Variants in PITPNM3 observed in about 807,000 individuals in gnomAD.
PITPNM3 encodes membrane-associated phosphatidylinositol transfer protein 3.
PITPNM3 carries 26 observed loss-of-function variants against 102.0 expected under a neutral mutation model. That is an observed-to-expected ratio of 0.25 (90% CI 0.19 to 0.35). The LOEUF (loss-of-function observed/expected upper bound fraction) is 0.35, where lower values mean the gene tolerates loss of function less well. Among genes scored for constraint, PITPNM3 ranks in the 10% least tolerant of loss-of-function variants. The probability of loss-of-function intolerance (pLI) is 1.00; values close to 1 mark genes in which losing one functional copy is unlikely to be tolerated. For synonymous variants in PITPNM3, 578 were observed against 558.6 expected, an observed-to-expected ratio of 1.03 and a Z score of -0.49; for missense variants, 1,083 against 1,346.1, an observed-to-expected ratio of 0.80 and a Z score of 3.06.
chr17:6,461,966 C>T (rs1237913704), intron 17 of PITPNM3, among the ~76,000 whole-genome samples: 9 of 152,056 alleles, frequency 5.9e-5, no homozygotes, highest in Admixed American at 1.3e-4. Context: ...ATCCTTAGCT[C>T]GGGCCCCATC....
Position 6,474,459 on chromosome 17 carries a change from G to T in PITPNM3, c.1231C>A (p.Arg411=), listed in dbSNP as rs752331730. 6.2e-7 allele frequency: 1 copy of T among 1,613,470 alleles called. No individual in the cohort carries two copies. The change falls in exon 10 of 20, where the codon CGG becomes AGG. Residue 411 remains arginine (R), a synonymous_variant. Transcript: ENST00000262483. ...GSPLGLVLAM[R]RTVLPGLDGF... ...TCCAGCCCAGGCAGCACCGTCCTCC[G>T]CATGGCCAGGACCAGGCCCAGTGGC...
At chr17:6,525,494 A>T in intron 2 of PITPNM3, 31 bp from the exon 3 acceptor site, 1 of 1,520,548 alleles carries the variant, frequency 6.6e-7, no homozygotes. Flanking sequence ...GAGCAGAAGC[A>T]GGTGCAGCTA....
intron 4 of PITPNM3, among the ~76,000 whole-genome samples, chr17:6,487,290 C>T (rs1906154657): frequency 6.6e-6 from 1 of 152,154 alleles, no homozygotes; most frequent in Non-Finnish European, 1.5e-5. Flanking sequence ...AGCAGCTACC[C>T]CATGGGGTGG....
At chr17:6,509,609 C>T (rs1325916509) in intron 3 of PITPNM3, among the ~76,000 whole-genome samples, 8 of 151,922 alleles carry the variant, frequency 5.3e-5, no homozygotes, top group Admixed American at 3.3e-4. Context: ...CGAAGACCTG[C>T]ATGCTCCCTC....
chr17:6,538,645 C>T (rs1909572043), intron 1 of PITPNM3, among the ~76,000 whole-genome samples: 1 of 152,226 alleles, frequency 6.6e-6, no homozygotes, highest in African/African-American at 2.4e-5. Context: ...CTGGCCCTGA[C>T]TACCAGGCAC....
chr17:6,474,373 T>C, intron 10 of PITPNM3, 59 bp downstream of exon 10: 1 of 1,572,036 alleles, frequency 6.4e-7, no homozygotes, highest in Non-Finnish European at 8.7e-7. Context: ...TCTGAGGCCC[T>C]GACACGGTGG....
In PITPNM3 at chr17:6,461,568, GC is replaced by G. The variant is rs553739885; in HGVS notation, c.2307-13del. ...AGTCCTGCCAGTGCCTGGTGAGATG[GC>G]ATTAGAAGGGTCCAGCCCTGCCCAG... On this transcript the variant is annotated splice_polypyrimidine_tract_variant and intron_variant, in intron 17 of 19. Coordinates refer to ENST00000262483, the MANE Select transcript of PITPNM3 (RefSeq NM_031220.4). The G allele has an allele frequency of 3.5e-4, 571 of 1,613,838 alleles. 3 individuals are homozygous for G. In the African/African-American group the frequency reaches 6.7e-3, roughly 19 times the overall value.
chr17:6,466,336 A>T (rs543313541), intron 14 of PITPNM3, among the ~76,000 whole-genome samples: 2 of 152,284 alleles, frequency 1.3e-5, no homozygotes, highest in African/African-American at 4.8e-5. Flanking sequence ...CAATCCAACA[A>T]ATATCTGCAG....
Position 6,472,691 on chromosome 17 carries a change from C to T in PITPNM3, c.1395G>A (p.Arg465=). 6.2e-7 allele frequency: 1 copy of T among 1,613,836 alleles called. No homozygotes were observed. The highest frequency in any genetic ancestry group is 8.5e-7 in the Non-Finnish European group (1 of 1,179,954). ...VPPVSVPRYQ[R]FPLGDGQSLL... ...GGGACTGCCCATCGCCCAGTGGGAACCTCTGGTAGCGAGGCACGCTGACAG... is the reference window on the plus strand; with the variant it reads ...GGGACTGCCCATCGCCCAGTGGGAATCTCTGGTAGCGAGGCACGCTGACAG... The change falls in exon 11 of 20, where the codon AGG becomes AGA. Residue 465 remains arginine (R), a synonymous_variant. Coordinates refer to ENST00000262483, the MANE Select transcript of PITPNM3 (RefSeq NM_031220.4). The surrounding 1 kb of genome is among the most constrained non-coding windows in gnomAD (Gnocchi z 4.1).
At chr17:6,476,886 G>T in intron 9 of PITPNM3, 143 bp downstream of exon 9, 1 of 1,015,576 alleles carries the variant, frequency 9.8e-7, no homozygotes, top group Non-Finnish European at 1.4e-6. Flanking sequence ...TCAGTACAGG[G>T]CCGATGGCGA....
At chr17:6,471,018 C>T (rs895618243) in intron 12 of PITPNM3, 143 bp downstream of exon 12, 1 of 960,900 alleles carries the variant, frequency 1.0e-6, no homozygotes, top group Non-Finnish European at 1.6e-6. Flanking sequence ...TCTCTAAAGG[C>T]AGAAGCAAGC....
At chr17:6,513,188 T>C (rs1446939786) in intron 3 of PITPNM3, among the ~76,000 whole-genome samples, 1 of 152,028 alleles carries the variant, frequency 6.6e-6, no homozygotes, top group Non-Finnish European at 1.5e-5. Flanking sequence ...AAAAGATTCA[T>C]AGTTAACATC....
intron 1 of PITPNM3, 109 bp from the exon 2 acceptor site, chr17:6,538,191 G>C: frequency 1.3e-6 from 1 of 788,954 alleles, no homozygotes; most frequent in Non-Finnish European, 2.2e-6. Context: ...CTGCACATCT[G>C]TGCCCTCTCC....
chr17:6,555,228 TC>T (rs1458725799), intron 1 of PITPNM3, among the ~76,000 whole-genome samples: 2 of 152,192 alleles, frequency 1.3e-5, no homozygotes, highest in Non-Finnish European at 2.9e-5. Context: ...CCGACAGGAC[TC>T]CTTGGGGACA....
intron 3 of PITPNM3, among the ~76,000 whole-genome samples, chr17:6,525,130 G>A (rs981244401): frequency 1.3e-5 from 2 of 152,200 alleles, no homozygotes; most frequent in Non-Finnish European, 2.9e-5. Context: ...GTGGACAAAG[G>A]AAGCTCTGTT....
At chr17:6,466,891 A>T (rs1284718129) in intron 14 of PITPNM3, among the ~76,000 whole-genome samples, 1 of 152,026 alleles carries the variant, frequency 6.6e-6, no homozygotes, top group Non-Finnish European at 1.5e-5. Flanking sequence ...CTAAAAATAC[A>T]AAAAATAAAA....
Position 6,451,444 on chromosome 17 carries a change from T to C in PITPNM3, c.*3894A>G, listed in dbSNP as rs1201856907. ...TTTTGTACAAGGCAGCCATAAGGAA[T>C]ATAATAAACCTTTTTCACCACAGAA... On this transcript the variant is annotated 3_prime_UTR_variant, in exon 20 of 20. Coordinates refer to ENST00000262483, the MANE Select transcript of PITPNM3 (RefSeq NM_031220.4). 1 of 152,190 alleles carries C rather than the reference T, an allele frequency of 6.6e-6. No homozygotes were observed. Among genetic ancestry groups the C allele is most frequent in the Non-Finnish European group, 1.5e-5 (1 of 68,038 alleles). 9.4% of individuals were successfully genotyped at this position (152,190 alleles called of 1,614,324 possible). A position where few individuals can be genotyped will look rare whatever the true frequency, so the allele number is the denominator to read the frequency against.
intron 19 of PITPNM3, among the ~76,000 whole-genome samples, chr17:6,456,982 G>C (rs1914144613): frequency 2.0e-5 from 3 of 152,090 alleles, no homozygotes; most frequent in African/African-American, 7.2e-5. Flanking sequence ...TGCAGCCTGA[G>C]GGAGCTTCCT....
chr17:6,462,429 CT>C (rs1904511336), intron 17 of PITPNM3, among the ~76,000 whole-genome samples: 2 of 152,202 alleles, frequency 1.3e-5, no homozygotes, highest in Admixed American at 1.3e-4. Context: ...TTGCTGCCCC[CT>C]GAACAAACCC....
Sources: gnomAD v4.1 joint callset for allele counts (sites outside exome capture counted in the v4.1 genomes callset) on GRCh38, gnomAD v4.1.1 for gene constraint, Gnocchi (gnomAD v3.1) non-coding constraint, MANE v1.5 for transcripts, NCBI Gene and HGNC (gene_info 2026-07-23, HGNC 2026-07-21) for gene names.